The following S100A5 variants were observed in gnomAD, a reference collection of about 807,000 sequenced individuals.
S100A5 encodes S100 calcium binding protein A5.
Under a neutral mutation model 6.7 loss-of-function variants are expected in S100A5, and 5 were observed. The observed-to-expected ratio is 0.75, with a 90% CI of 0.39 to 1.57. The LOEUF (loss-of-function observed/expected upper bound fraction) is 1.57. S100A5 is among the 40% of genes most tolerant of loss of function. S100A5 has a pLI of 0.03. For synonymous variants in S100A5, 49 were observed against 44.9 expected, an observed-to-expected ratio of 1.09 and a Z score of -0.37; for missense variants, 129 against 110.8, an observed-to-expected ratio of 1.16 and a Z score of -0.74.
At chr1:153,539,450 A>AAAAATATAT (rs1553214691) in intron 2 of S100A5, among the ~76,000 whole-genome samples, 1 of 31,192 alleles carries the variant, frequency 3.2e-5, no homozygotes, top group African/African-American at 1.1e-4. Context: ...AAAAAAAAAA[A>AAAAATATAT]ATATATATAT....
upstream of S100A5, chr1:153,541,810 A>G (rs1665400117): frequency 9.5e-7 from 1 of 1,050,986 alleles, no homozygotes; most frequent in African/African-American, 1.7e-5. Flanking sequence ...AGCTCTCCAC[A>G]TCGGGCCCCT....
At chr1:153,537,471 C>G in intron 2 of S100A5, 35 bp from the exon 3 acceptor site, 1 of 1,610,648 alleles carries the variant, frequency 6.2e-7, no homozygotes, top group Non-Finnish European at 8.5e-7. Flanking sequence ...CAGCTCAGAC[C>G]CCGCTCCCAG....
intron 2 of S100A5, among the ~76,000 whole-genome samples, chr1:153,539,417 A>ACT (rs1197039505): frequency 1.1e-5 from 1 of 92,268 alleles, no homozygotes; most frequent in African/African-American, 4.5e-5. Flanking sequence ...ACAGAGCGAG[A>ACT]CTCTCTCAAA....
upstream of S100A5, chr1:153,543,681 G>C: frequency 7.1e-7 from 1 of 1,400,124 alleles, no homozygotes. Context: ...GAAGGAGCCA[G>C]GGTGGAAAAA....
upstream of S100A5, chr1:153,541,368 A>G: frequency 7.3e-7 from 1 of 1,365,770 alleles, no homozygotes; most frequent in Non-Finnish European, 9.8e-7. Flanking sequence ...ACAGAGACAT[A>G]GGAAGGAAGG....
chr1:153,539,776 T>C (rs1665325661), intron 2 of S100A5, among the ~76,000 whole-genome samples: 1 of 152,036 alleles, frequency 6.6e-6, no homozygotes, highest in Admixed American at 6.6e-5. Flanking sequence ...CTGCCACTGC[T>C]GGGAGAGCCT....
At chr1:153,543,158 G>C (rs1207433948), upstream of S100A5, 2 of 930,518 alleles carry the variant, frequency 2.1e-6, no homozygotes, top group African/African-American at 3.6e-5. Context: ...TCAGCACTGA[G>C]TGCCAGCCCT....
chr1:153,538,821 A>AT (rs35134736), intron 2 of S100A5, among the ~76,000 whole-genome samples: 10 of 152,136 alleles, frequency 6.6e-5, no homozygotes, highest in African/African-American at 1.7e-4. Flanking sequence ...TTGAGCATTG[A>AT]TTTTTTTTAA....
rs549341285 is a variant in S100A5, at chr1:153,539,224, G to A, written c.138+830C>T. 1.1e-4 allele frequency among the ~76,000 whole-genome samples: 17 copies of A among 151,440 alleles called. No homozygotes were observed. The South Asian group carries it at 1.7e-3, about 15-fold the overall frequency. On this transcript the variant is annotated intron_variant, in intron 2 of 2. Transcript: ENST00000368717. ...AGATGGATCACGAGGTCAGGTGTTC[G>A]AGACCAGCCTGACCAACATGGTGAA...
rs1354985902 is a variant in S100A5, at chr1:153,539,471, ATATATT to A, written c.138+577_138+582del. On this transcript the variant is annotated intron_variant, in intron 2 of 2. Transcript: ENST00000368717. ...AAAAAATATATATATATATATATAT[ATATATT>A]TATTTATTTATTTATCCTCGGGGAT... Among the ~76,000 whole-genome samples the A allele has an allele frequency of 9.5e-4, 118 of 124,742 alleles. 2 individuals are homozygous for A. The highest frequency in any genetic ancestry group is 4.0e-3 in the African/African-American group (111 of 27,798). The allele number at this position is 124,742 out of a possible 152,430, so 81.8% of individuals were successfully genotyped here. A position where few individuals can be genotyped will look rare whatever the true frequency, so the allele number is the denominator to read the frequency against.
rs3795395 is a variant in S100A5, at chr1:153,537,419, G to A, written c.156C>T (p.Ile52=). 1.0e-3 allele frequency: 1,648 copies of A among 1,614,070 alleles called. 29 individuals carry two copies. The East Asian group carries it at 0.032, about 31-fold the overall frequency. The change falls in exon 3 of 3, where the codon ATC becomes ATT. Residue 52 remains isoleucine, a synonymous_variant. Coordinates refer to ENST00000368717, the MANE Select transcript of S100A5 (RefSeq NM_001394232.1). ...TGTCCAGGCTCTTCATCAAGTCATC[G>A]ATGCTGCTCTCCTTCATCTTTTGTG... ...LCLGEMKESS[I]DDLMKSLDKN...
upstream of S100A5, among the ~76,000 whole-genome samples, chr1:153,541,140 G>A (rs1203396955): frequency 2.0e-5 from 3 of 152,130 alleles, no homozygotes; most frequent in Admixed American, 6.5e-5. Context: ...GACTCAGCTG[G>A]GACCACAGTT....
upstream of S100A5, chr1:153,541,366 A>G (rs1665381787): frequency 1.5e-6 from 2 of 1,366,244 alleles, no homozygotes; most frequent in Non-Finnish European, 2.0e-6. Flanking sequence ...GAACAGAGAC[A>G]TAGGAAGGAA....
intron 2 of S100A5, among the ~76,000 whole-genome samples, chr1:153,539,207 C>A (rs1665286699): frequency 6.6e-6 from 1 of 151,740 alleles, no homozygotes; most frequent in African/African-American, 2.4e-5. Flanking sequence ...GCAGATGGAT[C>A]ACGAGGTCAG....
chr1:153,537,457 G>C, intron 2 of S100A5, 21 bp from the exon 3 acceptor site: 4 of 1,613,434 alleles, frequency 2.5e-6, no homozygotes, highest in Non-Finnish European at 3.4e-6. Flanking sequence ...CCCAGGTGGA[G>C]AGACAGCTCA....
chr1:153,541,921 T>C (rs937024230), upstream of S100A5: 4 of 983,278 alleles, frequency 4.1e-6, no homozygotes, highest in Middle Eastern at 5.2e-4. Context: ...GTCAAGGTCA[T>C]GAGCTAATAT....
In S100A5 at chr1:153,537,326, G is replaced by A. The variant is rs750433322; in HGVS notation, c.249C>T (p.Tyr83=). 1.2e-6 allele frequency: 2 copies of A among 1,614,106 alleles called. No homozygotes were observed. The highest frequency in any genetic ancestry group is 1.7e-6 in the Non-Finnish European group (2 of 1,179,954). The part of the protein sequence containing the change: ...SVFLTMLCMA[Y]NDFFLEDNK ...TGTTGTCCTCTAGAAAGAAGTCGTT[G>A]TAGGCCATGCACAGCATGGTCAGGA... The change falls in exon 3 of 3, where the codon TAC becomes TAT. Residue 83 remains tyrosine (Y), a synonymous_variant. Transcript: ENST00000368717.
chr1:153,543,649 G>C, upstream of S100A5: 1 of 1,046,554 alleles, frequency 9.6e-7, no homozygotes, highest in Non-Finnish European at 1.4e-6. Context: ...TATTGAACTT[G>C]CTCAGCATCA....
intron 2 of S100A5, 75 bp downstream of exon 2, chr1:153,539,978 AT>A: frequency 6.4e-7 from 1 of 1,559,532 alleles, no homozygotes; most frequent in South Asian, 1.2e-5. Flanking sequence ...AGGCTGGAGG[AT>A]CCTGAGGGTA....
Sources: gnomAD v4.1 joint callset for allele counts (sites outside exome capture counted in the v4.1 genomes callset) on GRCh38, gnomAD v4.1.1 for gene constraint, MANE v1.5 for transcripts, NCBI Gene and HGNC (gene_info 2026-07-23, HGNC 2026-07-21) for gene names.